The following ARHGAP44 variants were observed in gnomAD, a reference collection of about 807,000 sequenced individuals.
ARHGAP44 encodes rho GTPase-activating protein 44.
ARHGAP44 carries 43 observed loss-of-function variants against 106.8 expected under a neutral mutation model. The observed-to-expected ratio is 0.40, with a 90% CI of 0.32 to 0.52. The LOEUF is 0.52. ARHGAP44 is among the 20% of genes least tolerant of loss of function. The pLI is 0.48. For missense variants in ARHGAP44, 866 were observed against 1,050.5 expected, an observed-to-expected ratio of 0.82 and a Z score of 2.43; for synonymous variants, 439 against 410.3, an observed-to-expected ratio of 1.07 and a Z score of -0.85.
chr17:12,837,381 A>G (rs1475771239), intron 1 of ARHGAP44, among the ~76,000 whole-genome samples: 1 of 152,206 alleles, frequency 6.6e-6, no homozygotes, highest in Admixed American at 6.6e-5. Flanking sequence ...TATGTAACCC[A>G]TAAGTATATG....
At chr17:12,917,264 G>A (rs528713930) in intron 5 of ARHGAP44, 2 of 154,708 alleles carry the variant, frequency 1.3e-5, no homozygotes, top group East Asian at 3.9e-4. Context: ...AATCACAGAG[G>A]GGGAGAGGTC....
chr17:12,928,401 A>T (rs1222078791), intron 6 of ARHGAP44, among the ~76,000 whole-genome samples: 1 of 152,170 alleles, frequency 6.6e-6, no homozygotes, highest in African/African-American at 2.4e-5. Flanking sequence ...AATATATAAT[A>T]TACAGTATAT....
chr17:12,804,035 G>C (rs1316231926), intron 1 of ARHGAP44, among the ~76,000 whole-genome samples: 2 of 152,170 alleles, frequency 1.3e-5, no homozygotes. Flanking sequence ...GGCATCCAAA[G>C]GTAGGAGGAG....
chr17:12,893,697 G>A (rs550512080), intron 1 of ARHGAP44, among the ~76,000 whole-genome samples: 2 of 152,276 alleles, frequency 1.3e-5, no homozygotes, highest in South Asian at 2.1e-4. Flanking sequence ...GGGTGGAGTA[G>A]GACACAGTTC....
At chr17:12,939,660 G>T (rs1216953198) in intron 7 of ARHGAP44, among the ~76,000 whole-genome samples, 1 of 152,084 alleles carries the variant, frequency 6.6e-6, no homozygotes, top group South Asian at 2.1e-4. Context: ...TAGAGACGGG[G>T]TTTCACCGTG....
At chr17:12,927,893 C>T (rs570545304) in intron 6 of ARHGAP44, among the ~76,000 whole-genome samples, 41 of 152,162 alleles carry the variant, frequency 2.7e-4, no homozygotes, top group African/African-American at 8.7e-4. Flanking sequence ...GAGGATCGTG[C>T]GGACTAGTTT....
chr17:12,839,384 A>T (rs1218834073), intron 1 of ARHGAP44, among the ~76,000 whole-genome samples: 2 of 152,150 alleles, frequency 1.3e-5, no homozygotes, highest in Non-Finnish European at 2.9e-5. Flanking sequence ...GTCCTTTACC[A>T]TATCCTGTGA....
chr17:12,964,766 G>A (rs891774059), intron 16 of ARHGAP44, among the ~76,000 whole-genome samples: 3 of 152,148 alleles, frequency 2.0e-5, no homozygotes, highest in Non-Finnish European at 2.9e-5. Flanking sequence ...CAGCCTGGGC[G>A]ACAGAGTGAG....
chr17:12,854,404 A>G (rs2035846141), intron 1 of ARHGAP44, among the ~76,000 whole-genome samples: 1 of 152,140 alleles, frequency 6.6e-6, no homozygotes, highest in African/African-American at 2.4e-5. Context: ...CCCCCCTTTG[A>G]CAATATTATG....
Position 12,955,847 on chromosome 17 carries a change from C to A in ARHGAP44, c.1137-20C>A. On this transcript the variant is annotated intron_variant, in intron 13 of 20. Coordinates refer to ENST00000379672, the MANE Select transcript of ARHGAP44 (RefSeq NM_014859.6). ...GGTGTTGAGCCTTGGTTAAACCTGG[C>A]CCTTCTAATTTTCTTTTAGATACTT... The A allele has an allele frequency of 6.5e-7, 1 of 1,529,644 alleles. No homozygotes were observed. The highest frequency in any genetic ancestry group is 9.0e-7 in the Non-Finnish European group (1 of 1,108,732). 94.8% of individuals were successfully genotyped at this position (1,529,644 alleles called of 1,614,324 possible). A position where few individuals can be genotyped will look rare whatever the true frequency, so the allele number is the denominator to read the frequency against.
intron 1 of ARHGAP44, among the ~76,000 whole-genome samples, chr17:12,890,626 A>G (rs901060509): frequency 2.0e-5 from 3 of 152,152 alleles, no homozygotes; most frequent in Admixed American, 2.0e-4. Flanking sequence ...CTTGGAGGTA[A>G]TTCTCTCATT....
At chr17:12,908,015 A>G (rs2037608723) in intron 3 of ARHGAP44, among the ~76,000 whole-genome samples, 1 of 151,922 alleles carries the variant, frequency 6.6e-6, no homozygotes, top group Non-Finnish European at 1.5e-5. Flanking sequence ...AGTGAGTGTA[A>G]AGTGAGGTCT....
intron 3 of ARHGAP44, among the ~76,000 whole-genome samples, chr17:12,898,994 CAG>C (rs2037296134): frequency 6.6e-6 from 1 of 151,278 alleles, no homozygotes; most frequent in Non-Finnish European, 1.5e-5. Flanking sequence ...TATTTTGAGA[CAG>C]AGTCTCACTC....
At chr17:12,868,349 A>G (rs1285482253) in intron 1 of ARHGAP44, among the ~76,000 whole-genome samples, 3 of 152,044 alleles carry the variant, frequency 2.0e-5, no homozygotes, top group Non-Finnish European at 4.4e-5. Context: ...CATATCTTCA[A>G]ATACGGTCAC....
In ARHGAP44 at chr17:12,935,549, A is replaced by T. The variant is rs1484745175; in HGVS notation, c.583-5507A>T. 3.4e-5 allele frequency among the ~76,000 whole-genome samples: 5 copies of T among 146,614 alleles called. No homozygotes were observed. In the Admixed American group the frequency reaches 3.5e-4, roughly 10 times the overall value. On this transcript the variant is annotated intron_variant, in intron 7 of 20. Transcript: ENST00000379672. ...TGCAACATTGCACTCCAGCTGGGGCAACAGAGTGAGACTCCATCTCAAAAA... is the reference window on the plus strand; with the variant it reads ...TGCAACATTGCACTCCAGCTGGGGCTACAGAGTGAGACTCCATCTCAAAAA...
At chr17:12,850,911 G>T (rs990733448) in intron 1 of ARHGAP44, among the ~76,000 whole-genome samples, 1 of 152,188 alleles carries the variant, frequency 6.6e-6, no homozygotes, top group African/African-American at 2.4e-5. Context: ...CATATAACAG[G>T]CAGGCTAGGA....
chr17:12,926,728 T>A (rs1381942015), intron 6 of ARHGAP44, among the ~76,000 whole-genome samples: 1 of 151,804 alleles, frequency 6.6e-6, no homozygotes, highest in Non-Finnish European at 1.5e-5. Context: ...AGTATGATTC[T>A]GTTTTTTAAA....
chr17:12,839,622 A>G (rs993881903), intron 1 of ARHGAP44, among the ~76,000 whole-genome samples: 2 of 152,154 alleles, frequency 1.3e-5, no homozygotes, highest in African/African-American at 4.8e-5. Flanking sequence ...TGCAAACCAG[A>G]TGAGTGGAAA....
chr17:12,928,989 G>A lies in ARHGAP44; in HGVS notation c.525G>A (p.Lys175=). ...GCAGCTTACAGCCTGCGGGTGCCAA[G>A]GCTGATGCCCTCAGGGAAGAAATGG... ...LSSSLQPAGA[K]ADALREEMEE... is the part of the protein sequence containing the mutation. The change falls in exon 7 of 21, where the codon AAG becomes AAA. Residue 175 remains lysine (K), a synonymous_variant. Coordinates refer to ENST00000379672, the MANE Select transcript of ARHGAP44 (RefSeq NM_014859.6). 2 of 1,613,620 alleles carry A rather than the reference G, an allele frequency of 1.2e-6. No homozygotes were observed. Among genetic ancestry groups the A allele is most frequent in the Non-Finnish European group, 1.7e-6 (2 of 1,179,750 alleles).
Sources: gnomAD v4.1 joint callset for allele counts (sites outside exome capture counted in the v4.1 genomes callset) on GRCh38, gnomAD v4.1.1 for gene constraint, MANE v1.5 for transcripts, NCBI Gene and HGNC (gene_info 2026-07-23, HGNC 2026-07-21) for gene names.